The following KIAA0825 variants were observed in gnomAD, a reference collection of about 807,000 sequenced individuals.
KIAA0825 encodes KIAA0825.
In KIAA0825, 119 loss-of-function variants were observed where a neutral mutation model predicts 147.6. The observed-to-expected ratio is 0.81, with a 90% CI of 0.69 to 0.94. KIAA0825 has a LOEUF of 0.94. Among genes scored for constraint, KIAA0825 ranks in the 40% least tolerant of loss-of-function variants. KIAA0825 has a pLI of 0.00. For missense variants in KIAA0825, 1,381 were observed against 1,472.7 expected (o/e 0.94, Z 1.02); for synonymous variants, 470 against 518.1 (o/e 0.91, Z 1.26).
At chr5:94,546,941 G>C (rs889930853) in intron 2 of KIAA0825, among the ~76,000 whole-genome samples, 10 of 151,740 alleles carry the variant, frequency 6.6e-5, no homozygotes, top group South Asian at 2.1e-4. Flanking sequence ...TAGCTGTGTT[G>C]AGGAAAATCA....
intron 2 of KIAA0825, among the ~76,000 whole-genome samples, chr5:94,537,625 G>A (rs1315508760): frequency 6.8e-6 from 1 of 147,452 alleles, no homozygotes; most frequent in Non-Finnish European, 1.5e-5. Flanking sequence ...TGCAGCCTGG[G>A]CGACAGAGCA....
intron 20 of KIAA0825, among the ~76,000 whole-genome samples, chr5:94,293,247 T>C (rs1056841249): frequency 2.6e-5 from 4 of 152,244 alleles, no homozygotes; most frequent in African/African-American, 9.6e-5. Flanking sequence ...TCTGGGCATT[T>C]AGTGCTATCA....
intron 18 of KIAA0825, among the ~76,000 whole-genome samples, chr5:94,388,510 T>C (rs1034841876): frequency 6.6e-6 from 1 of 152,214 alleles, no homozygotes; most frequent in Non-Finnish European, 1.5e-5. Context: ...CTTTTCTCCA[T>C]TATGATTTAT....
In KIAA0825 at chr5:94,489,581, A is replaced by C. The variant is rs928285418; in HGVS notation, c.971-4651T>G. 3.3e-5 allele frequency among the ~76,000 whole-genome samples: 5 copies of C among 151,852 alleles called. No homozygotes were observed. The East Asian group carries it at 5.8e-4, about 18-fold the overall frequency. On this transcript the variant is annotated intron_variant, in intron 5 of 20. Coordinates refer to ENST00000682413, the MANE Select transcript of KIAA0825 (RefSeq NM_001145678.3). ...AAACACCAGTGACTTAAAAAAAAAA[A>C]AAAAAACAAACTCCACTTTTTTGGC...
chr5:94,559,688 C>T (rs1056635953), intron 2 of KIAA0825, among the ~76,000 whole-genome samples: 2 of 152,192 alleles, frequency 1.3e-5, no homozygotes, highest in Admixed American at 6.5e-5. Context: ...TTCAGCTTGA[C>T]ACTATCATCT....
intron 20 of KIAA0825, among the ~76,000 whole-genome samples, chr5:94,182,904 A>G (rs962762037): frequency 6.6e-6 from 1 of 152,214 alleles, no homozygotes; most frequent in African/African-American, 2.4e-5. Flanking sequence ...CAGTTTGCAC[A>G]GTGGTATCTC....
chr5:94,316,303 AG>A (rs1779655324), intron 20 of KIAA0825, among the ~76,000 whole-genome samples: 1 of 151,750 alleles, frequency 6.6e-6, no homozygotes, highest in Middle Eastern at 3.4e-3. Context: ...GAGTATTAAA[AG>A]TTTTATTCTA....
At chr5:94,530,340 G>C (rs1426427375) in intron 3 of KIAA0825, among the ~76,000 whole-genome samples, 4 of 148,762 alleles carry the variant, frequency 2.7e-5, no homozygotes, top group Non-Finnish European at 5.9e-5. Context: ...GAATGAGACA[G>C]AGTTTCACTA....
At chr5:94,594,499 T>A (rs1407363975) in intron 1 of KIAA0825, 1 of 747,164 alleles carries the variant, frequency 1.3e-6, no homozygotes, top group Admixed American at 1.7e-5. Flanking sequence ...AGCCATAATA[T>A]AACATTGGGA....
intron 10 of KIAA0825, 49 bp downstream of exon 10, chr5:94,469,912 G>A (rs1761011547): frequency 2.1e-6 from 3 of 1,455,010 alleles, no homozygotes; most frequent in African/African-American, 1.4e-5. Flanking sequence ...CAGGTACGCA[G>A]TAAAACATAT....
At chr5:94,371,681 A>G (rs537038289) in intron 20 of KIAA0825, among the ~76,000 whole-genome samples, 2 of 152,150 alleles carry the variant, frequency 1.3e-5, no homozygotes, top group Non-Finnish European at 2.9e-5. Flanking sequence ...CGGGGGAATT[A>G]TGGAAACTAA....
chr5:94,188,189 T>C (rs1770329612), intron 20 of KIAA0825, among the ~76,000 whole-genome samples: 1 of 152,202 alleles, frequency 6.6e-6, no homozygotes, highest in African/African-American at 2.4e-5. Flanking sequence ...TAAATGTTTG[T>C]TGTTTGAGCC....
At chr5:94,372,257 G>A (rs1458422620) in intron 20 of KIAA0825, among the ~76,000 whole-genome samples, 3 of 152,164 alleles carry the variant, frequency 2.0e-5, no homozygotes, top group Non-Finnish European at 4.4e-5. Context: ...TACTATTCTG[G>A]GGTCTGGAGG....
chr5:94,204,685 A>T (rs1169867196), intron 20 of KIAA0825, among the ~76,000 whole-genome samples: 1 of 152,188 alleles, frequency 6.6e-6, no homozygotes, highest in Admixed American at 6.5e-5. Context: ...AAGAATATAC[A>T]AAAGACAGCA....
chr5:94,229,102 G>C (rs1774460527), intron 20 of KIAA0825, among the ~76,000 whole-genome samples: 1 of 152,146 alleles, frequency 6.6e-6, no homozygotes, highest in East Asian at 1.9e-4. Context: ...ACTTTTCTTT[G>C]CTTCCCTCCT....
intron 20 of KIAA0825, among the ~76,000 whole-genome samples, chr5:94,300,924 T>C (rs1778369286): frequency 6.6e-6 from 1 of 152,140 alleles, no homozygotes; most frequent in African/African-American, 2.4e-5. Context: ...GTCAGTACAC[T>C]TGCTGACACG....
chr5:94,521,427 T>C (rs1421611386), intron 4 of KIAA0825, among the ~76,000 whole-genome samples: 2 of 151,794 alleles, frequency 1.3e-5, no homozygotes, highest in African/African-American at 4.8e-5. Flanking sequence ...AAATATAGTA[T>C]GTGCCTGGGG....
At chr5:94,196,740 T>C (rs1771170331) in intron 20 of KIAA0825, among the ~76,000 whole-genome samples, 1 of 152,234 alleles carries the variant, frequency 6.6e-6, no homozygotes, top group Admixed American at 6.5e-5. Context: ...TGTTCCTGCA[T>C]TAATTTACTT....
intron 20 of KIAA0825, among the ~76,000 whole-genome samples, chr5:94,308,429 A>C (rs567980887): frequency 2.6e-5 from 4 of 151,784 alleles, no homozygotes; most frequent in Non-Finnish European, 5.9e-5. Flanking sequence ...CCACTCAGTT[A>C]CTGGGCTTAA....
Sources: allele counts gnomAD v4.1 joint callset (sites outside exome capture counted in the v4.1 genomes callset), GRCh38; gene constraint gnomAD v4.1.1; transcripts MANE v1.5; gene names NCBI Gene and HGNC (gene_info 2026-07-23, HGNC 2026-07-21).